Variants in RAB44 observed in about 807,000 individuals in gnomAD.
The protein encoded by RAB44 is ras-related protein Rab-44.
A neutral mutation model predicts 93.3 loss-of-function variants in RAB44; 67 were observed. That is an observed-to-expected ratio of 0.72 (90% CI 0.59 to 0.88). RAB44 has a LOEUF of 0.88. Among genes scored for constraint, RAB44 ranks in the 40% least tolerant of loss-of-function variants. The pLI is 0.00. For synonymous variants in RAB44, 427 were observed against 520.3 expected (o/e 0.82, Z 2.44); for missense variants, 1,064 against 1,261.7 (o/e 0.84, Z 2.37).
At position 36,717,706 on chromosome 6, in the gene RAB44, G is replaced by A. The variant is rs994595346; in HGVS notation, c.641+287G>A. On this transcript the variant is annotated intron_variant, in intron 5 of 13. Transcript: ENST00000612677. The surrounding 1 kb of genome is among the most constrained non-coding windows in gnomAD (Gnocchi z 4.1). ...TAATGCATGTGGTGACCCTGGAGTTGGGTTATAAGGGCAGGAGGACGGTGA... is the reference window on the plus strand; with the variant it reads ...TAATGCATGTGGTGACCCTGGAGTTAGGTTATAAGGGCAGGAGGACGGTGA... 6.6e-6 allele frequency among the ~76,000 whole-genome samples: 1 copy of A among 152,198 alleles called. No individual in the cohort carries two copies. The highest frequency in any genetic ancestry group is 6.5e-5 in the Admixed American group (1 of 15,280).
At chr6:36,713,429 C>G (rs1170062808) in intron 2 of RAB44, among the ~76,000 whole-genome samples, 1 of 152,176 alleles carries the variant, frequency 6.6e-6, no homozygotes, top group Admixed American at 6.5e-5. Flanking sequence ...CTCCTGGCCT[C>G]AGGTGATCCA....
At chr6:36,727,716 GC>G in intron 11 of RAB44, 25 bp downstream of exon 11, 1 of 1,460,456 alleles carries the variant, frequency 6.8e-7, no homozygotes, top group Non-Finnish European at 9.4e-7. Context: ...GCTGGGGTTG[GC>G]CCCAGTCCCT....
At chr6:36,710,208 C>T (rs1376834457) in intron 2 of RAB44, among the ~76,000 whole-genome samples, 1 of 152,202 alleles carries the variant, frequency 6.6e-6, no homozygotes, top group African/African-American at 2.4e-5. Flanking sequence ...TCCCATACTT[C>T]CCTCTCCCCA....
chr6:36,704,658 C>T (rs975618891), intron 2 of RAB44, among the ~76,000 whole-genome samples: 1 of 152,176 alleles, frequency 6.6e-6, no homozygotes. Flanking sequence ...ATTTAACCAG[C>T]GAAAGTACTT....
At chr6:36,718,271 C>T (rs1165777847) in intron 6 of RAB44, among the ~76,000 whole-genome samples, 153 bp downstream of exon 6, 2 of 152,210 alleles carry the variant, frequency 1.3e-5, no homozygotes, top group Non-Finnish European at 2.9e-5. Flanking sequence ...CCCAGAGAGA[C>T]GAGGTGGGGA....
At position 36,731,598 on chromosome 6, in the gene RAB44, A is replaced by C. The variant is rs994137953; in HGVS notation, c.2976-405A>C. Among the ~76,000 whole-genome samples, 3 of 151,654 alleles carry C rather than the reference A, an allele frequency of 2.0e-5. No individual in the cohort carries two copies. Among genetic ancestry groups the C allele is most frequent in the African/African-American group, 4.9e-5 (2 of 41,216 alleles). ...CCTCTGCTTGGGATGCACCTCCCCC[A>C]CCCTTTCTGCTGGCATACCTTGTCC... is the stretch of plus-strand genomic sequence containing the variant. On this transcript the variant is annotated intron_variant, in intron 13 of 13. Transcript: ENST00000612677. This position sits in a 1 kb window ranked among gnomAD's most constrained non-coding sequence, Gnocchi z 4.0.
intron 13 of RAB44, 48 bp downstream of exon 13, chr6:36,730,797 T>C: frequency 1.4e-6 from 1 of 726,924 alleles, no homozygotes. Flanking sequence ...CCTTGCAGAA[T>C]CCTCTGGGAC....
At chr6:36,714,289 G>A (rs1332253690) in intron 3 of RAB44, among the ~76,000 whole-genome samples, 2 of 152,176 alleles carry the variant, frequency 1.3e-5, no homozygotes, top group African/African-American at 2.4e-5. Flanking sequence ...TCTAGGGGTG[G>A]GGGCTTTCCA....
At chr6:36,704,144 T>C in intron 1 of RAB44, 80 bp from the exon 2 acceptor site, 3 of 1,261,578 alleles carry the variant, frequency 2.4e-6, no homozygotes, top group Non-Finnish European at 1.1e-6. Context: ...CCAAGGGTGA[T>C]GGGAGCCAGG....
At chr6:36,715,912 C>T (rs1198508755) in intron 4 of RAB44, among the ~76,000 whole-genome samples, 1 of 152,156 alleles carries the variant, frequency 6.6e-6, no homozygotes, top group Non-Finnish European at 1.5e-5. Context: ...GGAGTCCTTC[C>T]CACCCCTGCA....
At chr6:36,729,684 T>C (rs1298200630) in intron 12 of RAB44, among the ~76,000 whole-genome samples, 4 of 152,134 alleles carry the variant, frequency 2.6e-5, no homozygotes, top group African/African-American at 7.2e-5. Context: ...GGTTTCACCA[T>C]GTTGGCCAGG....
At position 36,731,379 on chromosome 6, in the gene RAB44, G is replaced by A. The variant is rs746486489; in HGVS notation, c.2976-624G>A. Among the ~76,000 whole-genome samples the A allele has an allele frequency of 6.6e-6, 1 of 152,210 alleles. No individual in the cohort carries two copies. Among genetic ancestry groups the A allele is most frequent in the Non-Finnish European group, 1.5e-5 (1 of 68,038 alleles). Reference sequence around the variant, plus strand: ...TTGTTGTCCAGGAAGGCAGGGCCATGTCTGTTTTGTTCAGCCCCTCTCCCC... The same window carrying A: ...TTGTTGTCCAGGAAGGCAGGGCCATATCTGTTTTGTTCAGCCCCTCTCCCC... On this transcript the variant is annotated intron_variant, in intron 13 of 13. Transcript: ENST00000612677. The surrounding 1 kb of genome is among the most constrained non-coding windows in gnomAD (Gnocchi z 4.0).
chr6:36,730,079 A>G (rs1273647088), intron 12 of RAB44, among the ~76,000 whole-genome samples: 1 of 152,236 alleles, frequency 6.6e-6, no homozygotes, highest in African/African-American at 2.4e-5. Context: ...ACAATATAAT[A>G]GAAAATCATA....
Position 36,731,553 on chromosome 6 carries a change from G to A in RAB44, c.2976-450G>A, listed in dbSNP as rs1328030738. On this transcript the variant is annotated intron_variant, in intron 13 of 13. Transcript: ENST00000612677. This position sits in a 1 kb window ranked among gnomAD's most constrained non-coding sequence, Gnocchi z 4.0. Reference sequence around the variant, plus strand: ...CTTCCCCAGCCTCCAAGCTCTCTCGGCACTGAGCCGCGCCATGGCCCTCTG... The same window carrying A: ...CTTCCCCAGCCTCCAAGCTCTCTCGACACTGAGCCGCGCCATGGCCCTCTG... 6.6e-6 allele frequency among the ~76,000 whole-genome samples: 1 copy of A among 152,028 alleles called. No individual in the cohort carries two copies. Among genetic ancestry groups the A allele is most frequent in the African/African-American group, 2.4e-5 (1 of 41,388 alleles).
rs1002352174 is a variant in RAB44 at position 36,733,052 on chromosome 6, C to A, written c.*959C>A. On this transcript the variant is annotated 3_prime_UTR_variant, in exon 14 of 14. Transcript: ENST00000612677. ...CTCCTGAATGGTGGCTGCCCCTTATCAGCTAGGGCTGGGGTTTCCAGTGCC... is the reference window on the plus strand; with the variant it reads ...CTCCTGAATGGTGGCTGCCCCTTATAAGCTAGGGCTGGGGTTTCCAGTGCC... 1 of 152,210 alleles carries A rather than the reference C, an allele frequency of 6.6e-6. No homozygotes were observed. The highest frequency in any genetic ancestry group is 2.4e-5 in the African/African-American group (1 of 41,438). The allele number at this position is 152,210 out of a possible 1,614,324, so 9.4% of individuals were successfully genotyped here.
In RAB44 at chr6:36,698,062, T is replaced by C. The variant is rs1044685547; in HGVS notation, c.-13+147T>C. The C allele has an allele frequency of 2.0e-5, 3 of 152,202 alleles. No individual in the cohort carries two copies. The East Asian group carries it at 5.8e-4, about 29-fold the overall frequency. The allele number at this position is 152,202 out of a possible 1,614,324, so 9.4% of individuals were successfully genotyped here. ...CCTGCATTTGGAGCTCTCTGCATGG[T>C]CTAAGGGAGGGGATGGGAAAGCACT... On this transcript the variant is annotated intron_variant, in intron 1 of 13. Coordinates refer to ENST00000612677, the MANE Select transcript of RAB44 (RefSeq NM_001257357.2).
In RAB44 at chr6:36,732,229, G is replaced by A. The variant is rs1330450509; in HGVS notation, c.*136G>A. 1.7e-5 allele frequency: 8 copies of A among 460,074 alleles called. No individual in the cohort carries two copies. Among genetic ancestry groups the A allele is most frequent in the Admixed American group, 4.4e-5 (1 of 22,486 alleles). 28.5% of individuals were successfully genotyped at this position (460,074 alleles called of 1,614,324 possible). On this transcript the variant is annotated 3_prime_UTR_variant, in exon 14 of 14. Coordinates refer to ENST00000612677, the MANE Select transcript of RAB44 (RefSeq NM_001257357.2). ...GAAAACCCTTCTCAACTCAGGACTC[G>A]GATCCCAGAGCAGGGCCGCATCACC...
intron 10 of RAB44, among the ~76,000 whole-genome samples, chr6:36,726,922 T>C (rs1763251374): frequency 6.7e-6 from 1 of 150,138 alleles, no homozygotes; most frequent in South Asian, 2.1e-4. Flanking sequence ...TGCCTCAGCC[T>C]CCTGAGGAGC....
intron 1 of RAB44, among the ~76,000 whole-genome samples, chr6:36,700,395 G>T (rs1192707415): frequency 6.6e-6 from 1 of 152,200 alleles, no homozygotes; most frequent in Non-Finnish European, 1.5e-5. Flanking sequence ...ACGAGAGTGG[G>T]ACTGACCCTC....
Sources: allele counts gnomAD v4.1 joint callset (sites outside exome capture counted in the v4.1 genomes callset), GRCh38; gene constraint gnomAD v4.1.1; non-coding constraint Gnocchi (gnomAD v3.1); transcripts MANE v1.5; gene names NCBI Gene and HGNC (gene_info 2026-07-23, HGNC 2026-07-21).